ZNF681: variants seen among roughly 807,000 people sequenced by gnomAD.
ZNF681 encodes the protein zinc finger protein 681.
A neutral mutation model predicts 56.0 loss-of-function variants in ZNF681; 37 were observed. The ratio of observed to expected loss-of-function variants is 0.66; its 90% CI spans 0.51 to 0.87. The LOEUF (loss-of-function observed/expected upper bound fraction) is 0.87. ZNF681 is among the 40% of genes least tolerant of loss of function. The probability of loss-of-function intolerance (pLI) is 0.00; values close to 1 mark genes in which losing one functional copy is unlikely to be tolerated. For missense variants in ZNF681, 741 were observed against 744.9 expected, an observed-to-expected ratio of 0.99 and a Z score of 0.06; for synonymous variants, 225 against 248.6, an observed-to-expected ratio of 0.91 and a Z score of 0.89.
chr19:23,748,735 C>A (rs923612218), intron 3 of ZNF681, among the ~76,000 whole-genome samples: 2 of 151,698 alleles, frequency 1.3e-5, no homozygotes, highest in African/African-American at 4.8e-5. Flanking sequence ...AAATTTTAAT[C>A]AAAAAAATAC....
chr19:23,747,169 G>A (rs569407101), intron 3 of ZNF681, among the ~76,000 whole-genome samples: 6 of 152,152 alleles, frequency 3.9e-5, no homozygotes, highest in Admixed American at 1.3e-4. Flanking sequence ...AATGTTTTCT[G>A]ACTAAGACTG....
At chr19:23,749,483 G>A (rs930889735) in intron 3 of ZNF681, among the ~76,000 whole-genome samples, 1 of 151,942 alleles carries the variant, frequency 6.6e-6, no homozygotes, top group African/African-American at 2.4e-5. Context: ...ATTCTATCAC[G>A]TAAGGTGGAG....
rs756071759 is a variant in ZNF681 at position 23,744,647 on chromosome 19, C to G, written c.903G>C (p.Lys301Asn). Residue 301 changes from lysine to asparagine, a missense_variant, in exon 4 of 4, where the codon AAG becomes AAC. Coordinates refer to ENST00000402377, the MANE Select transcript of ZNF681 (RefSeq NM_138286.3). ...TGAGTTTCTCTCTGGTATGAATTATCTTATGTGTAGTAAGGGTTAAGGACT... is the reference window on the plus strand; with the variant it reads ...TGAGTTTCTCTCTGGTATGAATTATGTTATGTGTAGTAAGGGTTAAGGACT... ...FNQSLTLTTH[K>N]IIHTREKLNE... is the part of the protein sequence containing the mutation. 1.9e-6 allele frequency: 3 copies of G among 1,596,536 alleles called. No homozygotes were observed. The highest frequency in any genetic ancestry group is 2.6e-6 in the Non-Finnish European group (3 of 1,167,728).
Position 23,742,843 on chromosome 19 carries a change from A to G in ZNF681, c.*769T>C, listed in dbSNP as rs1043833711. 2.6e-5 allele frequency: 4 copies of G among 152,176 alleles called. No homozygotes were observed. Among genetic ancestry groups the G allele is most frequent in the Admixed American group, 2.0e-4 (3 of 15,272 alleles). 9.4% of individuals were successfully genotyped at this position (152,176 alleles called of 1,614,324 possible). On this transcript the variant is annotated 3_prime_UTR_variant, in exon 4 of 4. Transcript: ENST00000402377. ...CATAAAACCTAATTTTTTTCAAAGG[A>G]TAGTTTGAATGTAGTTACAACTCTG...
rs1599449223 is a variant in ZNF681, at chr19:23,741,394, A to C, written c.*2218T>G. ...TGACCATAAAAGAGACCCTGTAGCCAACAACAATTTAATGTACATTTGAAA... is the reference window on the plus strand; with the variant it reads ...TGACCATAAAAGAGACCCTGTAGCCCACAACAATTTAATGTACATTTGAAA... On this transcript the variant is annotated 3_prime_UTR_variant, in exon 4 of 4. Transcript: ENST00000402377. The C allele has an allele frequency of 6.6e-6, 1 of 152,168 alleles. No homozygotes were observed. Among genetic ancestry groups the C allele is most frequent in the Non-Finnish European group, 1.5e-5 (1 of 68,028 alleles). 9.4% of individuals were successfully genotyped at this position (152,168 alleles called of 1,614,324 possible).
At chr19:23,758,194 G>A (rs576550422) in intron 1 of ZNF681, among the ~76,000 whole-genome samples, 48 of 152,220 alleles carry the variant, frequency 3.2e-4, no homozygotes, top group African/African-American at 1.1e-3. Flanking sequence ...AAAAGCTCCT[G>A]GATTGTAGGG....
At chr19:23,745,409 T>G in intron 3 of ZNF681, 86 bp from the exon 4 acceptor site, 1 of 1,125,464 alleles carries the variant, frequency 8.9e-7, no homozygotes, top group East Asian at 2.9e-5. Context: ...TTATACAAAT[T>G]ACATAAGCAA....
chr19:23,745,569 C>G (rs1968933710), intron 3 of ZNF681, among the ~76,000 whole-genome samples: 1 of 151,594 alleles, frequency 6.6e-6, no homozygotes, highest in Non-Finnish European at 1.5e-5. Flanking sequence ...TCTCCTGCCT[C>G]AGGCTCCTGA....
At position 23,743,502 on chromosome 19, in the gene ZNF681, TAA is replaced by T; in HGVS notation, c.*108_*109del. 4 of 1,052,742 alleles carry T rather than the reference TAA, an allele frequency of 3.8e-6. No homozygotes were observed. Among genetic ancestry groups the T allele is most frequent in the South Asian group, 4.2e-5 (2 of 47,308 alleles). The allele number at this position is 1,052,742 out of a possible 1,614,324, so 65.2% of individuals were successfully genotyped here. A position where few individuals can be genotyped will look rare whatever the true frequency, so the allele number is the denominator to read the frequency against. ...TGTGCAATAAGGTGTGAGCATTGGT[TAA>T]AAGTTTTGCCACATTCTTCACACTT... On this transcript the variant is annotated 3_prime_UTR_variant, in exon 4 of 4. Coordinates refer to ENST00000402377, the MANE Select transcript of ZNF681 (RefSeq NM_138286.3).
rs1968877110 is a variant in ZNF681, at chr19:23,741,762, T to C, written c.*1850A>G. On this transcript the variant is annotated 3_prime_UTR_variant, in exon 4 of 4. Transcript: ENST00000402377. ...AGAATTAGTTTATAATACAAACAAA[T>C]ACAAACAATAAATGCTGCAGGTAAT... 6.6e-6 allele frequency: 1 copy of C among 152,010 alleles called. No individual in the cohort carries two copies. Among genetic ancestry groups the C allele is most frequent in the African/African-American group, 2.4e-5 (1 of 41,470 alleles). The allele number at this position is 152,010 out of a possible 1,614,324, so 9.4% of individuals were successfully genotyped here. A position where few individuals can be genotyped will look rare whatever the true frequency, so the allele number is the denominator to read the frequency against.
At chr19:23,748,288 A>G (rs1438464674) in intron 3 of ZNF681, among the ~76,000 whole-genome samples, 1 of 152,176 alleles carries the variant, frequency 6.6e-6, no homozygotes, top group East Asian at 1.9e-4. Context: ...TCAGCATTCC[A>G]CTGAAGGCTA....
In ZNF681 at chr19:23,743,560, T is replaced by C. The variant is rs745550172; in HGVS notation, c.*52A>G. ...TTTTTTTTTAGTATGAATTATCTTA[T>C]GCACAATCAAGTGTGACAACTTTTA... On this transcript the variant is annotated 3_prime_UTR_variant, in exon 4 of 4. Coordinates refer to ENST00000402377, the MANE Select transcript of ZNF681 (RefSeq NM_138286.3). 9.2e-6 allele frequency: 13 copies of C among 1,411,424 alleles called. No individual in the cohort carries two copies. In the East Asian group the frequency reaches 2.5e-4, roughly 27 times the overall value. The allele number at this position is 1,411,424 out of a possible 1,614,324, so 87.4% of individuals were successfully genotyped here. A position where few individuals can be genotyped will look rare whatever the true frequency, so the allele number is the denominator to read the frequency against.
At chr19:23,756,303 C>T (rs113457248) in intron 1 of ZNF681, among the ~76,000 whole-genome samples, 2 of 131,532 alleles carry the variant, frequency 1.5e-5, no homozygotes, top group Admixed American at 8.4e-5. Context: ...CCAGCCTGGG[C>T]GACAGAGCGA....
chr19:23,741,679 G>C lies in ZNF681; in HGVS notation c.*1933C>G, dbSNP rs1463746321. On this transcript the variant is annotated 3_prime_UTR_variant, in exon 4 of 4. Coordinates refer to ENST00000402377, the MANE Select transcript of ZNF681 (RefSeq NM_138286.3). ...AGCTGAGACCACGCCAATGCACCCAGGCGTGCACAGCCTGGGTGACATAGT... is the reference window on the plus strand; with the variant it reads ...AGCTGAGACCACGCCAATGCACCCACGCGTGCACAGCCTGGGTGACATAGT... 2 of 151,944 alleles carry C rather than the reference G, an allele frequency of 1.3e-5. No homozygotes were observed. Among genetic ancestry groups the C allele is most frequent in the Admixed American group, 6.6e-5 (1 of 15,250 alleles). The allele number at this position is 151,944 out of a possible 1,614,324, so 9.4% of individuals were successfully genotyped here. A position where few individuals can be genotyped will look rare whatever the true frequency, so the allele number is the denominator to read the frequency against.
At chr19:23,750,140 C>A (rs1023883188) in intron 3 of ZNF681, among the ~76,000 whole-genome samples, 57 of 151,538 alleles carry the variant, frequency 3.8e-4, no homozygotes, top group Admixed American at 2.0e-4. Context: ...CAAAAAATAT[C>A]TGGGTGTGGT....
chr19:23,745,449 A>ATTT (rs370284460), intron 3 of ZNF681, 126 bp from the exon 4 acceptor site: 461 of 480,344 alleles, frequency 9.6e-4, no homozygotes, highest in Middle Eastern at 2.4e-3. Flanking sequence ...AAAGGCCCTA[A>ATTT]TTTTTTTTTT....
At position 23,740,109 on chromosome 19, in the gene ZNF681, AAAC is replaced by A. The variant is rs1402325204; in HGVS notation, c.*3500_*3502del. On this transcript the variant is annotated 3_prime_UTR_variant, in exon 4 of 4. Transcript: ENST00000402377. ...AGATTATTCTTTAACAAACAGAGAAAAACAACGCTAAATGATTTAATCCTTTCA... is the reference window on the plus strand; with the variant it reads ...AGATTATTCTTTAACAAACAGAGAAAAACGCTAAATGATTTAATCCTTTCA... The A allele has an allele frequency of 6.6e-6, 1 of 152,178 alleles. No homozygotes were observed. The highest frequency in any genetic ancestry group is 1.9e-4 in the East Asian group (1 of 5,200). The allele number at this position is 152,178 out of a possible 1,614,324, so 9.4% of individuals were successfully genotyped here.
chr19:23,752,540 C>T (rs1969047714), intron 3 of ZNF681, among the ~76,000 whole-genome samples: 2 of 150,798 alleles, frequency 1.3e-5, no homozygotes, highest in Admixed American at 6.7e-5. Flanking sequence ...ACTGCAGAAA[C>T]CTGCCCTAGT....
chr19:23,743,588 G>C lies in ZNF681; in HGVS notation c.*24C>G. The C allele has an allele frequency of 6.9e-7, 1 of 1,452,164 alleles. No individual in the cohort carries two copies. The highest frequency in any genetic ancestry group is 9.1e-7 in the Non-Finnish European group (1 of 1,102,702). 90.0% of individuals were successfully genotyped at this position (1,452,164 alleles called of 1,614,324 possible). On this transcript the variant is annotated 3_prime_UTR_variant, in exon 4 of 4. Coordinates refer to ENST00000402377, the MANE Select transcript of ZNF681 (RefSeq NM_138286.3). ...ACAATCAAGTGTGACAACTTTTAAA[G>C]GTTTTGTTACATTCTTCACATTTCT...
Sources: gnomAD v4.1 joint callset for allele counts (sites outside exome capture counted in the v4.1 genomes callset) on GRCh38, gnomAD v4.1.1 for gene constraint, MANE v1.5 for transcripts, NCBI Gene and HGNC (gene_info 2026-07-23, HGNC 2026-07-21) for gene names.